The following PTTG1IP2 variants were observed in gnomAD, a reference collection of about 807,000 sequenced individuals.
The protein encoded by PTTG1IP2 is PTTG1IP family member 2.
rs574236610 is a variant in PTTG1IP2 at position 90,484,845 on chromosome 7, C to G, written c.193-2482C>G. On this transcript the variant is annotated intron_variant, in intron 2 of 6. Coordinates refer to ENST00000509356, the MANE Select transcript of PTTG1IP2 (RefSeq NM_001365443.2). The stretch of plus-strand genomic sequence containing the variant: ...TCCTCTTTTCTTTCATCTCTCAGCT[C>G]TGCCTCCCTCTGGGAATTGACTTTA... Among the ~76,000 whole-genome samples, 17 of 152,344 alleles carry G rather than the reference C, an allele frequency of 1.1e-4. No homozygotes were observed. The South Asian group carries it at 3.5e-3, about 32-fold the overall frequency.
chr7:90,501,736 A>G (rs12704544), intron 6 of PTTG1IP2, among the ~76,000 whole-genome samples: 58,844 of 152,032 alleles, frequency 0.39, 12,690 homozygotes, highest in Non-Finnish European at 0.5. Flanking sequence ...GAAAGTCACA[A>G]CATTTTTTCT....
rs150991156 is a variant in PTTG1IP2 at position 90,496,218 on chromosome 7, A to G, written c.*50+1788A>G. Among the ~76,000 whole-genome samples, 402 of 152,302 alleles carry G rather than the reference A, an allele frequency of 2.6e-3. 11 individuals are homozygous for G. Among genetic ancestry groups the G allele is most frequent in the South Asian group, 0.02 (95 of 4,826 alleles). On this transcript the variant is annotated intron_variant, in intron 6 of 6. Transcript: ENST00000509356. ...TTTCAGTTTTTGAGAAGAGTTGAGAAGGATTGGTATTAGTTATTTAAATGG... is the reference window on the plus strand; with the variant it reads ...TTTCAGTTTTTGAGAAGAGTTGAGAGGGATTGGTATTAGTTATTTAAATGG...
At chr7:90,509,780 G>A (rs1010206738) in intron 6 of PTTG1IP2, among the ~76,000 whole-genome samples, 1 of 152,160 alleles carries the variant, frequency 6.6e-6, no homozygotes, top group African/African-American at 2.4e-5. Flanking sequence ...AGTGGGCTGG[G>A]ACACACAGTG....
chr7:90,481,548 T>G (rs1797815381), intron 2 of PTTG1IP2, among the ~76,000 whole-genome samples: 1 of 152,136 alleles, frequency 6.6e-6, no homozygotes, highest in South Asian at 2.1e-4. Flanking sequence ...TGTATTCATC[T>G]CCAATTTTAT....
chr7:90,486,828 A>G (rs2374266), intron 2 of PTTG1IP2, among the ~76,000 whole-genome samples: 1 of 151,584 alleles, frequency 6.6e-6, no homozygotes, highest in Non-Finnish European at 1.5e-5. Context: ...GTTCAGGTGC[A>G]TGTGATTTTT....
intron 4 of PTTG1IP2, among the ~76,000 whole-genome samples, chr7:90,491,701 C>G (rs1290107403): frequency 1.3e-5 from 2 of 151,756 alleles, no homozygotes; most frequent in Admixed American, 1.3e-4. Flanking sequence ...GACAAGTAAA[C>G]AAGCAATTGT....
chr7:90,473,226 G>A (rs1487016447), intron 1 of PTTG1IP2, among the ~76,000 whole-genome samples: 1 of 152,166 alleles, frequency 6.6e-6, no homozygotes, highest in Non-Finnish European at 1.5e-5. Context: ...TAGTGGGTGG[G>A]GTACAGACAA....
intron 2 of PTTG1IP2, among the ~76,000 whole-genome samples, chr7:90,482,177 T>C (rs1797821223): frequency 6.6e-6 from 1 of 152,102 alleles, no homozygotes; most frequent in Non-Finnish European, 1.5e-5. Flanking sequence ...CCAGAGAAAG[T>C]GCCAGAGTTT....
chr7:90,476,098 C>G (rs1797745411), intron 1 of PTTG1IP2, among the ~76,000 whole-genome samples: 1 of 142,256 alleles, frequency 7.0e-6, no homozygotes, highest in Non-Finnish European at 1.5e-5. Context: ...GTTTATCATT[C>G]ACAGACATCT....
At chr7:90,496,584 A>G (rs761921565) in intron 6 of PTTG1IP2, among the ~76,000 whole-genome samples, 3 of 151,236 alleles carry the variant, frequency 2.0e-5, no homozygotes, top group African/African-American at 4.9e-5. Flanking sequence ...AACACCAACC[A>G]TTAGTTTTGT....
At chr7:90,509,614 C>T (rs1464476873) in intron 6 of PTTG1IP2, among the ~76,000 whole-genome samples, 1 of 152,094 alleles carries the variant, frequency 6.6e-6, no homozygotes, top group Non-Finnish European at 1.5e-5. Context: ...GGGATATTTG[C>T]GCTAGAGACC....
intron 2 of PTTG1IP2, among the ~76,000 whole-genome samples, chr7:90,486,467 C>CTTTTTTT (rs532687452): frequency 5.5e-4 from 65 of 119,170 alleles, no homozygotes; most frequent in Non-Finnish European, 1.0e-3. Context: ...CTTTGTCTTC[C>CTTTTTTT]TTTTTTTTTT....
At chr7:90,508,934 T>C (rs1798155188) in intron 6 of PTTG1IP2, among the ~76,000 whole-genome samples, 1 of 152,186 alleles carries the variant, frequency 6.6e-6, no homozygotes, top group African/African-American at 2.4e-5. Context: ...CCCTGCTCAA[T>C]GTCGCACAGG....
At chr7:90,511,704 T>C (rs1798192111) in intron 6 of PTTG1IP2, among the ~76,000 whole-genome samples, 1 of 152,192 alleles carries the variant, frequency 6.6e-6, no homozygotes, top group Non-Finnish European at 1.5e-5. Flanking sequence ...CCCTCTCTCC[T>C]CATACTCATC....
intron 5 of PTTG1IP2, among the ~76,000 whole-genome samples, chr7:90,493,472 C>A (rs1797961902): frequency 6.6e-6 from 1 of 152,192 alleles, no homozygotes; most frequent in Non-Finnish European, 1.5e-5. Context: ...AATAATGCTG[C>A]ATTTCAATTT....
intron 6 of PTTG1IP2, among the ~76,000 whole-genome samples, chr7:90,500,042 C>T (rs1245168711): frequency 1.3e-5 from 2 of 151,920 alleles, no homozygotes; most frequent in Non-Finnish European, 1.5e-5. Flanking sequence ...GGTGAAACCC[C>T]ATCTCTATTA....
At chr7:90,500,431 G>C (rs910036274) in intron 6 of PTTG1IP2, among the ~76,000 whole-genome samples, 2 of 152,204 alleles carry the variant, frequency 1.3e-5, no homozygotes, top group African/African-American at 4.8e-5. Context: ...TAGAAAGACT[G>C]GGTTTGGGGG....
intron 4 of PTTG1IP2, among the ~76,000 whole-genome samples, chr7:90,491,490 G>T (rs1258061535): frequency 6.6e-6 from 1 of 151,944 alleles, no homozygotes; most frequent in Non-Finnish European, 1.5e-5. Context: ...GGGCGTGGTG[G>T]CACGCACCTA....
chr7:90,496,019 T>G (rs941870434), intron 6 of PTTG1IP2, among the ~76,000 whole-genome samples: 2 of 152,246 alleles, frequency 1.3e-5, no homozygotes, highest in Admixed American at 6.5e-5. Context: ...CCCACTGACA[T>G]AAATGATCCT....
Sources: gnomAD v4.1 joint callset for allele counts (sites outside exome capture counted in the v4.1 genomes callset) on GRCh38, gnomAD v4.1.1 for gene constraint, MANE v1.5 for transcripts, NCBI Gene and HGNC (gene_info 2026-07-23, HGNC 2026-07-21) for gene names.